Variants in ADAMTSL1 observed in about 807,000 individuals in gnomAD.
The protein encoded by ADAMTSL1 is ADAMTS-like protein 1.
A neutral mutation model predicts 201.8 loss-of-function variants in ADAMTSL1; 126 were observed. The observed-to-expected ratio is 0.62, with a 90% CI of 0.54 to 0.72. The LOEUF is 0.72. Among genes scored for constraint, ADAMTSL1 ranks in the 30% least tolerant of loss-of-function variants. The probability of loss-of-function intolerance (pLI) is 0.00; values close to 1 mark genes in which losing one functional copy is unlikely to be tolerated. For synonymous variants in ADAMTSL1, 1,121 were observed against 903.4 expected, an observed-to-expected ratio of 1.24 and a Z score of -4.32; for missense variants, 2,679 against 2,277.8, an observed-to-expected ratio of 1.18 and a Z score of -3.59.
At chr9:18,193,180 TTCAAGATTGTATTCAAAC>T (rs1829039725) in intron 2 of ADAMTSL1, among the ~76,000 whole-genome samples, 1 of 152,102 alleles carries the variant, frequency 6.6e-6, no homozygotes. Flanking sequence ...TCAAATAACT[TTCAAGATTGTATTCAAAC>T]TCAAGAATCA....
At chr9:18,111,374 T>C (rs1288088652) in intron 1 of ADAMTSL1, among the ~76,000 whole-genome samples, 2 of 152,230 alleles carry the variant, frequency 1.3e-5, no homozygotes, top group African/African-American at 2.4e-5. Flanking sequence ...TAAAGCTTTA[T>C]GTATTTAAGG....
chr9:18,426,089 C>A (rs1023148452), intron 2 of ADAMTSL1, among the ~76,000 whole-genome samples: 1 of 152,058 alleles, frequency 6.6e-6, no homozygotes, highest in African/African-American at 2.4e-5. Context: ...CTAATCAGAA[C>A]ACTTTGCTGG....
intron 2 of ADAMTSL1, among the ~76,000 whole-genome samples, chr9:18,368,740 A>C (rs1478072510): frequency 6.6e-6 from 1 of 152,204 alleles, no homozygotes; most frequent in Non-Finnish European, 1.5e-5. Flanking sequence ...CTGGATGGTG[A>C]ATATGTTTGA....
intron 4 of ADAMTSL1, among the ~76,000 whole-genome samples, chr9:18,597,246 C>T (rs1014719188): frequency 2.6e-5 from 4 of 152,108 alleles, no homozygotes; most frequent in Admixed American, 1.3e-4. Flanking sequence ...GCTCTCATTT[C>T]CTTCAGGCTG....
chr9:18,774,112 T>TAG (rs1820845149), intron 17 of ADAMTSL1, among the ~76,000 whole-genome samples: 3 of 152,162 alleles, frequency 2.0e-5, no homozygotes, highest in African/African-American at 7.2e-5. Context: ...CGTGGCACAC[T>TAG]CCCACAGCCC....
chr9:18,649,597 C>T (rs575022350), intron 7 of ADAMTSL1, among the ~76,000 whole-genome samples: 92 of 152,232 alleles, frequency 6.0e-4, no homozygotes, highest in Middle Eastern at 3.4e-3. Context: ...TGTTAGTTTT[C>T]CTTCTAACAG....
intron 2 of ADAMTSL1, among the ~76,000 whole-genome samples, chr9:18,227,251 A>C (rs1005884650): frequency 4.6e-5 from 7 of 152,164 alleles, no homozygotes; most frequent in African/African-American, 1.2e-4. Context: ...TCAACTCAGC[A>C]GTTATGGAAT....
At chr9:18,089,347 C>A (rs1823906996) in intron 1 of ADAMTSL1, among the ~76,000 whole-genome samples, 2 of 151,304 alleles carry the variant, frequency 1.3e-5, no homozygotes, top group South Asian at 4.2e-4. Flanking sequence ...CCATCGTTCT[C>A]AGCAAACTAA....
At chr9:17,973,789 A>G (rs945837290) in intron 1 of ADAMTSL1, among the ~76,000 whole-genome samples, 2 of 148,118 alleles carry the variant, frequency 1.4e-5, no homozygotes, top group African/African-American at 2.5e-5. Context: ...GATTCTTCCT[A>G]CCAATGAGCA....
At chr9:18,399,297 A>ATG (rs2133256784) in intron 2 of ADAMTSL1, among the ~76,000 whole-genome samples, 1 of 100,334 alleles carries the variant, frequency 1.0e-5, no homozygotes, top group South Asian at 3.4e-4. Flanking sequence ...ATATATATAT[A>ATG]TATATATATA....
intron 1 of ADAMTSL1, among the ~76,000 whole-genome samples, chr9:18,019,730 A>G (rs1820403821): frequency 6.6e-6 from 1 of 152,150 alleles, no homozygotes. Flanking sequence ...CAGAGACAGT[A>G]TAGAATGAAG....
chr9:18,215,854 A>T (rs1311205734), intron 2 of ADAMTSL1, among the ~76,000 whole-genome samples: 1 of 152,182 alleles, frequency 6.6e-6, no homozygotes, highest in Non-Finnish European at 1.5e-5. Flanking sequence ...GACAGCTGCT[A>T]CAAGAATGAA....
chr9:18,550,560 A>G (rs1434424825), intron 3 of ADAMTSL1, among the ~76,000 whole-genome samples: 2 of 151,886 alleles, frequency 1.3e-5, no homozygotes, highest in Non-Finnish European at 2.9e-5. Context: ...AAAGAACTGA[A>G]TTTAGCCAAC....
chr9:18,037,631 T>C (rs1054503076), intron 1 of ADAMTSL1, among the ~76,000 whole-genome samples: 7 of 152,312 alleles, frequency 4.6e-5, no homozygotes, highest in Non-Finnish European at 5.9e-5. Context: ...AGATGTTTTT[T>C]GTATAAGATT....
At chr9:18,340,556 G>A (rs913164289) in intron 2 of ADAMTSL1, among the ~76,000 whole-genome samples, 1 of 152,012 alleles carries the variant, frequency 6.6e-6, no homozygotes, top group South Asian at 2.1e-4. Context: ...GATATGTTTT[G>A]TCTCTGTCTC....
At chr9:18,347,701 T>TG (rs1305540073) in intron 2 of ADAMTSL1, among the ~76,000 whole-genome samples, 1 of 152,162 alleles carries the variant, frequency 6.6e-6, no homozygotes, top group African/African-American at 2.4e-5. Context: ...TTGAACTATT[T>TG]GGGGTTTTCA....
At chr9:18,821,485 C>G (rs1824208112) in intron 21 of ADAMTSL1, among the ~76,000 whole-genome samples, 1 of 152,172 alleles carries the variant, frequency 6.6e-6, no homozygotes, top group African/African-American at 2.4e-5. Context: ...TACATTAAGA[C>G]TTTTCACAAT....
intron 7 of ADAMTSL1, among the ~76,000 whole-genome samples, chr9:18,641,690 G>A (rs1037703238): frequency 3.3e-5 from 5 of 151,768 alleles, no homozygotes; most frequent in African/African-American, 9.7e-5. Context: ...ATTGAAGTAC[G>A]TACAGAAAAA....
chr9:18,694,999 G>A (rs971059050), intron 13 of ADAMTSL1, among the ~76,000 whole-genome samples: 1 of 152,248 alleles, frequency 6.6e-6, no homozygotes, highest in Non-Finnish European at 1.5e-5. Context: ...AAGCCTCCAA[G>A]GCTCATGGCT....
Sources: gnomAD v4.1 joint callset for allele counts (sites outside exome capture counted in the v4.1 genomes callset) on GRCh38, gnomAD v4.1.1 for gene constraint, MANE v1.5 for transcripts, NCBI Gene and HGNC (gene_info 2026-07-23, HGNC 2026-07-21) for gene names.